Variants in GLG1 observed in about 807,000 individuals in gnomAD.
GLG1 encodes the protein Golgi apparatus protein 1.
A neutral mutation model predicts 160.5 loss-of-function variants in GLG1; 38 were observed. The ratio of observed to expected loss-of-function variants is 0.24; its 90% CI spans 0.18 to 0.31. The LOEUF is 0.31. Ranked by LOEUF, GLG1 falls within the 10% of genes least tolerant of loss-of-function variation. The pLI, the probability that GLG1 is intolerant of heterozygous loss-of-function variation, is 1.00. For synonymous variants in GLG1, 644 were observed against 543.4 expected (o/e 1.19, Z -2.57); for missense variants, 1,373 against 1,505.2 (o/e 0.91, Z 1.45).
At chr16:74,507,974 C>T (rs777337761) in intron 3 of GLG1, among the ~76,000 whole-genome samples, 5 of 151,654 alleles carry the variant, frequency 3.3e-5, no homozygotes, top group Non-Finnish European at 7.4e-5. Context: ...CCTTTCTGCT[C>T]GGAAGCCCCA....
At chr16:74,495,093 T>C (rs977475667) in intron 5 of GLG1, among the ~76,000 whole-genome samples, 53 of 149,046 alleles carry the variant, frequency 3.6e-4, no homozygotes, top group Non-Finnish European at 5.9e-5. Flanking sequence ...AAGAGAAGTG[T>C]TAGAGTCTGA....
At chr16:74,485,714 C>A in intron 9 of GLG1, 82 bp downstream of exon 9, 2 of 1,345,304 alleles carry the variant, frequency 1.5e-6, no homozygotes, top group Non-Finnish European at 2.1e-6. Context: ...TCAACAACCA[C>A]CCAAAAGTCA....
At chr16:74,533,553 G>A (rs2017605313) in intron 1 of GLG1, among the ~76,000 whole-genome samples, 1 of 152,098 alleles carries the variant, frequency 6.6e-6, no homozygotes, top group Non-Finnish European at 1.5e-5. Flanking sequence ...GGCCGAGGCA[G>A]GCAGATCACT....
Position 74,606,944 on chromosome 16 carries a change from C to T in GLG1, c.151G>A (p.Gly51Arg). The change falls in exon 1 of 26, where the codon GGG becomes AGG. Residue 51 changes from glycine (G) to arginine (R), a missense_variant. Physicochemically the swap from Gly to Arg is moderately radical, Grantham distance 125. This residue lies in a region of GLG1 where 322 missense variants were observed against 254.6 expected (regional missense o/e 1.26). Transcript: ENST00000422840. Reference protein sequence around the residue: ...GPGANFVSFVGQAGGGGPAGQ... With the variant: ...GPGANFVSFVRQAGGGGPAGQ... The stretch of plus-strand genomic sequence containing the variant: ...GCCGGGCCGCCGCCTCCGGCCTGCC[C>T]TACGAAGGACACAAAGTTGGCCCCG... 6.2e-7 allele frequency: 1 copy of T among 1,608,944 alleles called. No homozygotes were observed. Among genetic ancestry groups the T allele is most frequent in the Non-Finnish European group, 8.5e-7 (1 of 1,178,988 alleles).
At chr16:74,569,648 G>C (rs1227794069) in intron 1 of GLG1, among the ~76,000 whole-genome samples, 1 of 152,052 alleles carries the variant, frequency 6.6e-6, no homozygotes, top group African/African-American at 2.4e-5. Context: ...GATCACCTGA[G>C]GTCAGGAGCT....
intron 12 of GLG1, 47 bp from the exon 13 acceptor site, chr16:74,474,679 G>T: frequency 2.3e-6 from 2 of 875,098 alleles, no homozygotes; most frequent in South Asian, 2.6e-5. Context: ...TCACATACAT[G>T]AACAAGGCAA....
In GLG1 at chr16:74,606,855, T is replaced by TTGC. The variant is rs546611688; in HGVS notation, c.237_239dup (p.Gln84dup). On this transcript the variant is annotated inframe_insertion, in exon 1 of 26. Coordinates refer to ENST00000422840, the MANE Select transcript of GLG1 (RefSeq NM_001145667.2). ...GCGGCGGCTGAGGCTGCTGTTGCTGTTGCTGCTGCTGCTGTTGCTGCTGAA... is the reference window on the plus strand; with the variant it reads ...GCGGCGGCTGAGGCTGCTGTTGCTGTTGCTGCTGCTGCTGCTGTTGCTGCTGAA... 2.4e-5 allele frequency: 39 copies of TTGC among 1,597,952 alleles called. No individual in the cohort carries two copies. In the East Asian group the frequency reaches 8.6e-4, roughly 35 times the overall value.
At chr16:74,544,961 C>A (rs1193212520) in intron 1 of GLG1, among the ~76,000 whole-genome samples, 1 of 151,448 alleles carries the variant, frequency 6.6e-6, no homozygotes, top group African/African-American at 2.4e-5. Flanking sequence ...CAAAATAAAT[C>A]AATCTCAAAA....
intron 3 of GLG1, among the ~76,000 whole-genome samples, chr16:74,505,974 G>A (rs1212179357): frequency 7.0e-6 from 1 of 142,268 alleles, no homozygotes. Flanking sequence ...AGGTTGCAGT[G>A]AGCCAAGATT....
intron 12 of GLG1, 49 bp downstream of exon 12, chr16:74,477,346 AC>A (rs1406595442): frequency 1.2e-5 from 16 of 1,390,924 alleles, no homozygotes; most frequent in Non-Finnish European, 1.5e-5. Context: ...AAAATGTTAA[AC>A]ATTAACATCA....
chr16:74,457,372 G>C (rs552076073), intron 24 of GLG1, among the ~76,000 whole-genome samples: 1 of 152,242 alleles, frequency 6.6e-6, no homozygotes, highest in African/African-American at 2.4e-5. Flanking sequence ...ACTCCAGCCT[G>C]GGTGACAGAG....
In GLG1 at chr16:74,473,508, C is replaced by T. The variant is rs916803763; in HGVS notation, c.2052+1038G>A. On this transcript the variant is annotated intron_variant, in intron 13 of 25. Transcript: ENST00000422840. ...GGGCTGGAGTGCAGTGGCGTGATCT[C>T]GGCTCACTGGAAGCTCCGCCTCCCG... Among the ~76,000 whole-genome samples the T allele has an allele frequency of 4.3e-5, 6 of 138,594 alleles. No individual in the cohort carries two copies. The East Asian group carries it at 8.4e-4, about 19-fold the overall frequency. 90.9% of individuals were successfully genotyped at this position (138,594 alleles called of 152,430 possible).
intron 4 of GLG1, among the ~76,000 whole-genome samples, chr16:74,502,852 G>A (rs2016459529): frequency 1.3e-5 from 2 of 148,448 alleles, no homozygotes; most frequent in Non-Finnish European, 1.5e-5. Flanking sequence ...TTACAGGCAT[G>A]AGCCACCGCG....
At chr16:74,547,947 T>C (rs1485564712) in intron 1 of GLG1, among the ~76,000 whole-genome samples, 2 of 152,258 alleles carry the variant, frequency 1.3e-5, no homozygotes. Flanking sequence ...TTTGTTTGTT[T>C]TGAGATGGAG....
chr16:74,508,144 G>A (rs910488610), intron 3 of GLG1, among the ~76,000 whole-genome samples: 1 of 152,052 alleles, frequency 6.6e-6, no homozygotes, highest in Non-Finnish European at 1.5e-5. Context: ...GAGCTCTGAA[G>A]AATGTGGCCC....
chr16:74,604,554 A>T (rs990824976), intron 1 of GLG1, among the ~76,000 whole-genome samples: 2 of 152,272 alleles, frequency 1.3e-5, no homozygotes, highest in Non-Finnish European at 2.9e-5. Flanking sequence ...TTGCATGCAA[A>T]GGGACAGAAA....
intron 4 of GLG1, among the ~76,000 whole-genome samples, chr16:74,500,737 T>G (rs1351726586): frequency 1.3e-5 from 2 of 152,140 alleles, no homozygotes; most frequent in African/African-American, 4.8e-5. Context: ...CTGTGGCACA[T>G]GTCCGCAATT....
chr16:74,484,835 C>A (rs559403210), intron 9 of GLG1, among the ~76,000 whole-genome samples: 4 of 152,032 alleles, frequency 2.6e-5, no homozygotes, highest in Non-Finnish European at 5.9e-5. Flanking sequence ...AGAGGCTCAT[C>A]TCGAACTCTG....
rs2014338641 is a variant in GLG1 at position 74,452,189 on chromosome 16, C to A, written c.*978G>T. 3 of 1,584,090 alleles carry A rather than the reference C, an allele frequency of 1.9e-6. No homozygotes were observed. Among genetic ancestry groups the A allele is most frequent in the Admixed American group, 3.6e-5 (2 of 55,376 alleles). On this transcript the variant is annotated 3_prime_UTR_variant, in exon 26 of 26. Coordinates refer to ENST00000422840, the MANE Select transcript of GLG1 (RefSeq NM_001145667.2). ...GGCTCCCACTTCCTGACCCACTGCT[C>A]CCCACACCCATCTTCAAGGACCCCT... is the stretch of plus-strand genomic sequence containing the variant.
Sources: allele counts gnomAD v4.1 joint callset (sites outside exome capture counted in the v4.1 genomes callset), GRCh38; gene constraint gnomAD v4.1.1; regional missense constraint gnomAD v4.1.1; transcripts MANE v1.5; gene names NCBI Gene and HGNC (gene_info 2026-07-23, HGNC 2026-07-21).